The following DERA variants were observed in gnomAD, a reference collection of about 807,000 sequenced individuals.
The protein encoded by DERA is 2-deoxy-D-ribose 5-phosphate aldolase.
DERA carries 15 observed loss-of-function variants against 41.1 expected under a neutral mutation model. That is an observed-to-expected ratio of 0.37 (90% confidence interval 0.24 to 0.56). The LOEUF (loss-of-function observed/expected upper bound fraction) is 0.56, where lower values mean the gene tolerates loss of function less well. Ranked by LOEUF, DERA falls within the 20% of genes least tolerant of loss-of-function variation. The pLI is 0.81. For missense variants in DERA, 396 were observed against 403.4 expected, an observed-to-expected ratio of 0.98 and a Z score of 0.16; for synonymous variants, 139 against 137.4, an observed-to-expected ratio of 1.01 and a Z score of -0.08.
rs536690286 is a variant in DERA, at chr12:15,990,895, G to A, written c.637+8459G>A. ...ACATTGATTCCATGTCTTTGCTGTT[G>A]TGAGTATTGCTGCGATGAACATATG... is the stretch of plus-strand genomic sequence containing the variant. On this transcript the variant is annotated intron_variant, in intron 6 of 8. Transcript: ENST00000428559. The surrounding 1 kb of genome is among the most constrained non-coding windows in gnomAD (Gnocchi z 4.3). Among the ~76,000 whole-genome samples the A allele has an allele frequency of 1.7e-4, 26 of 152,174 alleles. No individual in the cohort carries two copies. The highest frequency in any genetic ancestry group is 5.3e-4 in the African/African-American group (22 of 41,512).
rs1412146994 is a variant in DERA at position 15,935,029 on chromosome 12, A to G, written c.32-21907A>G. Among the ~76,000 whole-genome samples, 5 of 152,316 alleles carry G rather than the reference A, an allele frequency of 3.3e-5. No individual in the cohort carries two copies. Among genetic ancestry groups the G allele is most frequent in the East Asian group, 3.9e-4 (2 of 5,190 alleles). ...GGTTGACACCACTTTTTTTATAGCAAATATTTCCAGAGCTAACAAAACTCT... is the reference window on the plus strand; with the variant it reads ...GGTTGACACCACTTTTTTTATAGCAGATATTTCCAGAGCTAACAAAACTCT... On this transcript the variant is annotated intron_variant, in intron 1 of 8. Transcript: ENST00000428559. The surrounding 1 kb of genome is among the most constrained non-coding windows in gnomAD (Gnocchi z 4.8).
intron 1 of DERA, among the ~76,000 whole-genome samples, chr12:15,930,183 G>A (rs1948317068): frequency 6.6e-6 from 1 of 152,064 alleles, no homozygotes; most frequent in African/African-American, 2.4e-5. Flanking sequence ...TGACCTTAAA[G>A]CTAAAGAATA....
chr12:15,955,105 G>A (rs1313055841), intron 1 of DERA, among the ~76,000 whole-genome samples: 1 of 151,972 alleles, frequency 6.6e-6, no homozygotes, highest in Non-Finnish European at 1.5e-5. Flanking sequence ...TTCGATACCA[G>A]CCTGGCCAAC....
rs1436315059 is a variant in DERA, at chr12:16,014,153, T to A, written c.638-18389T>A. 6.6e-6 allele frequency among the ~76,000 whole-genome samples: 1 copy of A among 152,142 alleles called. No homozygotes were observed. The highest frequency in any genetic ancestry group is 1.9e-4 in the East Asian group (1 of 5,190). On this transcript the variant is annotated intron_variant, in intron 6 of 8. Transcript: ENST00000428559. The surrounding 1 kb of genome is among the most constrained non-coding windows in gnomAD (Gnocchi z 5.4). ...GTTTAGAAAATTTGCAGCCTGATGA[T>A]GTGATAGAAAAAAACCCACTTTCTG...
chr12:16,026,461 A>G lies in DERA; in HGVS notation c.638-6081A>G, dbSNP rs1949053992. On this transcript the variant is annotated intron_variant, in intron 6 of 8. Transcript: ENST00000428559. The surrounding 1 kb of genome is among the most constrained non-coding windows in gnomAD (Gnocchi z 4.4). ...TGAAATGGATCAATCCTCAAAAGAC[A>G]TAAACAACCAAAACTCACAAGGAGA... Among the ~76,000 whole-genome samples, 1 of 151,786 alleles carries G rather than the reference A, an allele frequency of 6.6e-6. No individual in the cohort carries two copies. The highest frequency in any genetic ancestry group is 2.4e-5 in the African/African-American group (1 of 41,420).
rs1948925303 is a variant in DERA, at chr12:16,008,178, T to A, written c.638-24364T>A. On this transcript the variant is annotated intron_variant, in intron 6 of 8. Coordinates refer to ENST00000428559, the MANE Select transcript of DERA (RefSeq NM_015954.4). This position sits in a 1 kb window ranked among gnomAD's most constrained non-coding sequence, Gnocchi z 4.8. ...AGATAACACAGTTTCTTTTTCTCTG[T>A]TTCTTCAGCAACGTGCAGACACATT... Among the ~76,000 whole-genome samples the A allele has an allele frequency of 6.6e-6, 1 of 152,230 alleles. No homozygotes were observed. Among genetic ancestry groups the A allele is most frequent in the Non-Finnish European group, 1.5e-5 (1 of 68,036 alleles).
intron 1 of DERA, among the ~76,000 whole-genome samples, chr12:15,923,669 C>T (rs1412661012): frequency 2.7e-5 from 4 of 150,942 alleles, no homozygotes; most frequent in African/African-American, 9.7e-5. Flanking sequence ...GTATTCATTC[C>T]TCTGCATGGC....
At chr12:16,025,460 G>T (rs1949047212) in intron 6 of DERA, among the ~76,000 whole-genome samples, 1 of 151,934 alleles carries the variant, frequency 6.6e-6, no homozygotes, top group East Asian at 1.9e-4. Context: ...CGATAAAAAA[G>T]GATATTTTAT....
chr12:15,982,370 T>C lies in DERA; in HGVS notation c.571T>C (p.Leu191=). ...TGGGGAGGCTCATCTTAAAACTATA[T>C]TAGCGACAGGAGAACTTGGAACTCT... ...ACGEAHLKTI[L]ATGELGTLTN... Residue 191 remains leucine, a synonymous_variant, in exon 6 of 9, where the codon TTA becomes CTA. Coordinates refer to ENST00000428559, the MANE Select transcript of DERA (RefSeq NM_015954.4). The surrounding 1 kb of genome is among the most constrained non-coding windows in gnomAD (Gnocchi z 4.0). The C allele has an allele frequency of 6.2e-7, 1 of 1,613,880 alleles. No individual in the cohort carries two copies. Among genetic ancestry groups the C allele is most frequent in the Non-Finnish European group, 8.5e-7 (1 of 1,179,790 alleles).
In DERA at chr12:16,020,370, T is replaced by A. The variant is rs1949010480; in HGVS notation, c.638-12172T>A. Reference sequence around the variant, plus strand: ...CGAGAACAGCACGAAAGGGGAAATCTACCCCCATGATCCAATCTCTTCCTA... The same window carrying A: ...CGAGAACAGCACGAAAGGGGAAATCAACCCCCATGATCCAATCTCTTCCTA... On this transcript the variant is annotated intron_variant, in intron 6 of 8. Coordinates refer to ENST00000428559, the MANE Select transcript of DERA (RefSeq NM_015954.4). This position sits in a 1 kb window ranked among gnomAD's most constrained non-coding sequence, Gnocchi z 5.5. Among the ~76,000 whole-genome samples, 1 of 152,188 alleles carries A rather than the reference T, an allele frequency of 6.6e-6. No homozygotes were observed. The highest frequency in any genetic ancestry group is 1.5e-5 in the Non-Finnish European group (1 of 68,038).
At chr12:15,955,004 A>T (rs897479204) in intron 1 of DERA, among the ~76,000 whole-genome samples, 1 of 152,068 alleles carries the variant, frequency 6.6e-6, no homozygotes, top group Non-Finnish European at 1.5e-5. Context: ...GGAGAAAAAA[A>T]AAAAGCCTCT....
rs1378766338 is a variant in DERA, at chr12:16,019,294, G to A, written c.638-13248G>A. 6.6e-6 allele frequency among the ~76,000 whole-genome samples: 1 copy of A among 152,152 alleles called. No homozygotes were observed. The highest frequency in any genetic ancestry group is 2.4e-5 in the African/African-American group (1 of 41,424). ...TTATTCCTCACTTAAAAAATAGCCA[G>A]TGTCTGCATGCCTGAACTATTTTTA... is the stretch of plus-strand genomic sequence containing the variant. On this transcript the variant is annotated intron_variant, in intron 6 of 8. Coordinates refer to ENST00000428559, the MANE Select transcript of DERA (RefSeq NM_015954.4). This position sits in a 1 kb window ranked among gnomAD's most constrained non-coding sequence, Gnocchi z 4.4.
Position 15,959,880 on chromosome 12 carries a change from TA to T in DERA, c.333del (p.Ala112HisfsTer25), listed in dbSNP as rs1178437360. On this transcript the variant is annotated frameshift_variant, in exon 4 of 9. Coordinates refer to ENST00000428559, the MANE Select transcript of DERA (RefSeq NM_015954.4). LOFTEE classifies it high-confidence loss of function. The surrounding 1 kb of genome is among the most constrained non-coding windows in gnomAD (Gnocchi z 4.5). ...TATCCCGCCCGGGTGTGTGATGCTG[TA>T]AAAGCACTCAAGGCTGCAGGCTGTA... Reference protein sequence around the residue: ...CVYPARVCDAVKALKAAGCNI... With the variant: ...CVYPARVCDAXKALKAAGCNI... 1.3e-6 allele frequency: 2 copies of T among 1,551,854 alleles called. No homozygotes were observed. The highest frequency in any genetic ancestry group is 1.2e-5 in the South Asian group (1 of 84,048).
Position 15,913,489 on chromosome 12 carries a change from A to G in DERA, c.31+2075A>G, listed in dbSNP as rs554591489. 2.6e-5 allele frequency among the ~76,000 whole-genome samples: 4 copies of G among 152,350 alleles called. No homozygotes were observed. The highest frequency in any genetic ancestry group is 3.4e-3 in the Middle Eastern group (1 of 294). On this transcript the variant is annotated intron_variant, in intron 1 of 8. Transcript: ENST00000428559. This position sits in a 1 kb window ranked among gnomAD's most constrained non-coding sequence, Gnocchi z 4.5. ...CTAATTGAAAGTCTTTTTAATAAAC[A>G]TCGTAACTAATTTCTAAAATAAATT...
Position 16,036,449 on chromosome 12 carries a change from A to G in DERA, c.900+68A>G. ...TTTTGAGAAAGGAATTGAAAAGTCA[A>G]ATTGAGAACTGGAGATAAAAACTCA... On this transcript the variant is annotated intron_variant, in intron 8 of 8. Transcript: ENST00000428559. The surrounding 1 kb of genome is among the most constrained non-coding windows in gnomAD (Gnocchi z 4.9). The G allele has an allele frequency of 6.6e-7, 1 of 1,504,356 alleles. No individual in the cohort carries two copies. Among genetic ancestry groups the G allele is most frequent in the Non-Finnish European group, 9.0e-7 (1 of 1,116,458 alleles). 93.2% of individuals were successfully genotyped at this position (1,504,356 alleles called of 1,614,324 possible). A position where few individuals can be genotyped will look rare whatever the true frequency, so the allele number is the denominator to read the frequency against.
rs1948928883 is a variant in DERA at position 16,008,664 on chromosome 12, A to G, written c.638-23878A>G. On this transcript the variant is annotated intron_variant, in intron 6 of 8. Transcript: ENST00000428559. This position sits in a 1 kb window ranked among gnomAD's most constrained non-coding sequence, Gnocchi z 4.8. ...CTTAAATTGTTTTTTCTTGTGTAAG[A>G]AGGAACTCTGAGGTGTAGCCAGTCA... Among the ~76,000 whole-genome samples, 1 of 152,210 alleles carries G rather than the reference A, an allele frequency of 6.6e-6. No homozygotes were observed. Among genetic ancestry groups the G allele is most frequent in the African/African-American group, 2.4e-5 (1 of 41,444 alleles).
chr12:15,968,190 A>T (rs575199848), intron 5 of DERA, among the ~76,000 whole-genome samples: 4 of 152,202 alleles, frequency 2.6e-5, no homozygotes, highest in African/African-American at 7.2e-5. Context: ...ACGTAAATTC[A>T]TACATTGAAT....
At chr12:15,958,456 T>C (rs893810126) in intron 3 of DERA, 121 bp downstream of exon 3, 21 of 662,818 alleles carry the variant, frequency 3.2e-5, no homozygotes, top group Non-Finnish European at 4.4e-5. Context: ...ATAGAAACTC[T>C]TGCTGTGTAT....
At chr12:16,018,597 G>A (rs778126115) in intron 6 of DERA, among the ~76,000 whole-genome samples, 18 of 152,038 alleles carry the variant, frequency 1.2e-4, no homozygotes, top group Non-Finnish European at 2.2e-4. Context: ...ATCAACAGCT[G>A]ATTAGAAGTC....
Sources: allele counts gnomAD v4.1 joint callset (sites outside exome capture counted in the v4.1 genomes callset), GRCh38; gene constraint gnomAD v4.1.1; non-coding constraint Gnocchi (gnomAD v3.1); transcripts MANE v1.5; gene names NCBI Gene and HGNC (gene_info 2026-07-23, HGNC 2026-07-21).